Variants in TRIM13 observed in about 807,000 individuals in gnomAD.
The protein encoded by TRIM13 is tripartite motif containing 13.
TRIM13 carries 15 observed loss-of-function variants against 27.1 expected under a neutral mutation model. The observed-to-expected ratio is 0.55, with a 90% CI of 0.37 to 0.85. TRIM13 has a LOEUF of 0.85. Among genes scored for constraint, TRIM13 ranks in the 40% least tolerant of loss-of-function variants. The probability of loss-of-function intolerance (pLI) is 0.00; values close to 1 mark genes in which losing one functional copy is unlikely to be tolerated. For missense variants in TRIM13, 402 were observed against 472.2 expected (o/e 0.85, Z 1.38); for synonymous variants, 193 against 171.5 (o/e 1.13, Z -0.98).
chr13:50,001,282 ACT>A (rs1428191944), intron 1 of TRIM13, among the ~76,000 whole-genome samples: 9 of 129,484 alleles, frequency 7.0e-5, no homozygotes, highest in African/African-American at 2.5e-4. Flanking sequence ...CAAGAGCAAA[ACT>A]CTGTCCCAAA....
intron 1 of TRIM13, among the ~76,000 whole-genome samples, chr13:50,004,719 CCAGTGAGCCAAGA>C (rs1874453578): frequency 6.7e-6 from 1 of 149,494 alleles, no homozygotes; most frequent in South Asian, 2.1e-4. Context: ...GGGGAGGTTG[CCAGTGAGCCAAGA>C]TGGCGCCACT....
rs1566444367 is a variant in TRIM13 at position 50,014,093 on chromosome 13, C to CTTTG, written c.*933_*936dup. 6.0e-6 allele frequency: 1 copy of CTTTG among 165,774 alleles called. No individual in the cohort carries two copies. The highest frequency in any genetic ancestry group is 2.4e-5 in the African/African-American group (1 of 41,026). 10.3% of individuals were successfully genotyped at this position (165,774 alleles called of 1,614,324 possible). On this transcript the variant is annotated 3_prime_UTR_variant, in exon 2 of 2. Transcript: ENST00000378182. ...GGAGCTTTCAATCTGCCCTTTTCTC[C>CTTTG]TTTGTTTTTGTAGTTTTCACCAAAG...
At chr13:49,999,475 G>A (rs1873756440) in intron 1 of TRIM13, among the ~76,000 whole-genome samples, 1 of 152,074 alleles carries the variant, frequency 6.6e-6, no homozygotes, top group African/African-American at 2.4e-5. Flanking sequence ...TTCTTGGCTC[G>A]AGACAACCAC....
chr13:50,009,256 C>T (rs1875233008), intron 1 of TRIM13, among the ~76,000 whole-genome samples: 3 of 152,090 alleles, frequency 2.0e-5, no homozygotes, highest in African/African-American at 7.2e-5. Context: ...TAGAAGACAG[C>T]TGGAGTCTTT....
rs1566446879 is a variant in TRIM13 at position 50,015,092 on chromosome 13, AAAATATATAT to A, written c.*1930_*1939del. The stretch of plus-strand genomic sequence containing the variant: ...CCCAGTAATAAAAAAAAAAAAAAAA[AAAATATATAT>A]ATATATATATATATATATATATATA... On this transcript the variant is annotated 3_prime_UTR_variant, in exon 2 of 2. Transcript: ENST00000378182. 10 of 23,420 alleles carry A rather than the reference AAAATATATAT, an allele frequency of 4.3e-4. No homozygotes were observed. The highest frequency in any genetic ancestry group is 6.5e-4 in the Non-Finnish European group (7 of 10,716). 1.5% of individuals were successfully genotyped at this position (23,420 alleles called of 1,614,324 possible).
At position 50,013,623 on chromosome 13, in the gene TRIM13, A is replaced by T; in HGVS notation, c.*459A>T. 2 of 162,020 alleles carry T rather than the reference A, an allele frequency of 1.2e-5. No homozygotes were observed. The allele number at this position is 162,020 out of a possible 1,614,324, so 10.0% of individuals were successfully genotyped here. Reference sequence around the variant, plus strand: ...CTGCAGCCTCTACCTCCCAGGTTCAAGTGATTATCCTGCCTTAGCCTCCTG... The same window carrying T: ...CTGCAGCCTCTACCTCCCAGGTTCATGTGATTATCCTGCCTTAGCCTCCTG... On this transcript the variant is annotated 3_prime_UTR_variant, in exon 2 of 2. Transcript: ENST00000378182.
chr13:50,009,190 C>G (rs553980267), intron 1 of TRIM13, among the ~76,000 whole-genome samples: 1 of 152,122 alleles, frequency 6.6e-6, no homozygotes, highest in South Asian at 2.1e-4. Context: ...TTTTCCAAAA[C>G]AAAATTAAGA....
At chr13:50,002,823 C>T (rs1189461031) in intron 1 of TRIM13, among the ~76,000 whole-genome samples, 6 of 152,094 alleles carry the variant, frequency 3.9e-5, no homozygotes, top group South Asian at 2.1e-4. Flanking sequence ...CCACTGCTCC[C>T]GGCTAATTTT....
In TRIM13 at chr13:50,014,105, A is replaced by C. The variant is rs1157769670; in HGVS notation, c.*941A>C. On this transcript the variant is annotated 3_prime_UTR_variant, in exon 2 of 2. Transcript: ENST00000378182. ...CTGCCCTTTTCTCCTTTGTTTTTGT[A>C]GTTTTCACCAAAGATGATCAACTAG... is the stretch of plus-strand genomic sequence containing the variant. 1 of 165,980 alleles carries C rather than the reference A, an allele frequency of 6.0e-6. No homozygotes were observed. The highest frequency in any genetic ancestry group is 1.5e-5 in the Non-Finnish European group (1 of 67,912). The allele number at this position is 165,980 out of a possible 1,614,324, so 10.3% of individuals were successfully genotyped here. A position where few individuals can be genotyped will look rare whatever the true frequency, so the allele number is the denominator to read the frequency against.
intron 1 of TRIM13, among the ~76,000 whole-genome samples, chr13:49,998,921 C>T (rs1344755888): frequency 7.1e-6 from 1 of 140,816 alleles, no homozygotes; most frequent in African/African-American, 2.7e-5. Context: ...CAGAGCGAGA[C>T]TCTACCAAAA....
intron 1 of TRIM13, among the ~76,000 whole-genome samples, chr13:50,005,836 G>A (rs1387619376): frequency 6.8e-6 from 1 of 146,918 alleles, no homozygotes; most frequent in African/African-American, 2.5e-5. Flanking sequence ...TCCTGCCTCT[G>A]CCTCCTGAGT....
chr13:49,999,607 G>C (rs1350369123), intron 1 of TRIM13, among the ~76,000 whole-genome samples: 1 of 152,064 alleles, frequency 6.6e-6, no homozygotes, highest in Non-Finnish European at 1.5e-5. Flanking sequence ...TCTTGAACTG[G>C]GCTCAAGTGA....
Position 50,015,141 on chromosome 13 carries a change from A to G in TRIM13, c.*1977A>G, listed in dbSNP as rs1440790049. On this transcript the variant is annotated 3_prime_UTR_variant, in exon 2 of 2. Coordinates refer to ENST00000378182, the MANE Select transcript of TRIM13 (RefSeq NM_213590.3). The stretch of plus-strand genomic sequence containing the variant: ...TATATATATATATATATATATATAT[A>G]TATATATATAGTTTTACTAGGTTTT... The G allele has an allele frequency of 9.1e-6, 1 of 109,914 alleles. No individual in the cohort carries two copies. Among genetic ancestry groups the G allele is most frequent in the Non-Finnish European group, 1.9e-5 (1 of 53,086 alleles). The allele number at this position is 109,914 out of a possible 1,614,324, so 6.8% of individuals were successfully genotyped here.
Position 50,007,910 on chromosome 13 carries a change from C to CT in TRIM13, c.-6-4013dup, listed in dbSNP as rs750998094. On this transcript the variant is annotated intron_variant, in intron 1 of 1. Transcript: ENST00000378182. ...GAAATTACTGTTAAAAAAGTATTCG[C>CT]TTTTTTTTTTTTGAGACAGAGTATT... Among the ~76,000 whole-genome samples, 439 of 143,838 alleles carry CT rather than the reference C, an allele frequency of 3.1e-3. 1 individual carries two copies. The highest frequency in any genetic ancestry group is 4.8e-3 in the African/African-American group (192 of 39,616). The allele number at this position is 143,838 out of a possible 152,430, so 94.4% of individuals were successfully genotyped here.
chr13:50,000,445 C>G (rs1490029864), intron 1 of TRIM13, among the ~76,000 whole-genome samples: 1 of 152,096 alleles, frequency 6.6e-6, no homozygotes, highest in Non-Finnish European at 1.5e-5. Flanking sequence ...CTAAATGTTA[C>G]AATACCAAAA....
intron 1 of TRIM13, among the ~76,000 whole-genome samples, chr13:49,998,382 C>T (rs773794731): frequency 6.6e-6 from 1 of 152,176 alleles, no homozygotes; most frequent in Non-Finnish European, 1.5e-5. Context: ...CAGATATGCT[C>T]ATTTTCATGA....
At chr13:50,008,429 G>A (rs897391249) in intron 1 of TRIM13, among the ~76,000 whole-genome samples, 2 of 152,184 alleles carry the variant, frequency 1.3e-5, no homozygotes, top group Non-Finnish European at 2.9e-5. Flanking sequence ...GCTTTGCGAG[G>A]CTGAGGCAGG....
rs1291741405 is a variant in TRIM13 at position 50,014,046 on chromosome 13, A to T, written c.*882A>T. Reference sequence around the variant, plus strand: ...ACAAAACCTGGCATTTTCTTGTGATAAGTTTACATTTTTAGGAGAGTGGAG... The same window carrying T: ...ACAAAACCTGGCATTTTCTTGTGATTAGTTTACATTTTTAGGAGAGTGGAG... On this transcript the variant is annotated 3_prime_UTR_variant, in exon 2 of 2. Transcript: ENST00000378182. 2 of 166,732 alleles carry T rather than the reference A, an allele frequency of 1.2e-5. No homozygotes were observed. The highest frequency in any genetic ancestry group is 2.9e-5 in the Non-Finnish European group (2 of 68,066). 10.3% of individuals were successfully genotyped at this position (166,732 alleles called of 1,614,324 possible).
chr13:50,003,073 CTA>C (rs1270760994), intron 1 of TRIM13, among the ~76,000 whole-genome samples: 1 of 152,106 alleles, frequency 6.6e-6, no homozygotes, highest in African/African-American at 2.4e-5. Context: ...ATAAGATTAA[CTA>C]GTGTGCTGAG....
Sources: allele counts gnomAD v4.1 joint callset (sites outside exome capture counted in the v4.1 genomes callset), GRCh38; gene constraint gnomAD v4.1.1; transcripts MANE v1.5; gene names NCBI Gene and HGNC (gene_info 2026-07-23, HGNC 2026-07-21).